Variants in FAM110B observed in about 807,000 individuals in gnomAD.
FAM110B encodes the protein family with sequence similarity 110 member B.
A neutral mutation model predicts 20.4 loss-of-function variants in FAM110B; 6 were observed. The ratio of observed to expected loss-of-function variants is 0.29; its 90% CI spans 0.16 to 0.58. The LOEUF is 0.58. Among genes scored for constraint, FAM110B ranks in the 20% least tolerant of loss-of-function variants. The pLI is 0.90. For missense variants in FAM110B, 434 were observed against 498.2 expected, an observed-to-expected ratio of 0.87 and a Z score of 1.23; for synonymous variants, 226 against 214.1, an observed-to-expected ratio of 1.06 and a Z score of -0.49.
chr8:58,009,521 C>T (rs78817779), intron 1 of FAM110B, among the ~76,000 whole-genome samples: 2,987 of 152,198 alleles, frequency 0.02, 107 homozygotes, highest in African/African-American at 0.067. Flanking sequence ...TAAAATAACT[C>T]AATAATTTTT....
chr8:58,094,008 C>A (rs1032988355), intron 3 of FAM110B, among the ~76,000 whole-genome samples: 2 of 152,038 alleles, frequency 1.3e-5, no homozygotes, highest in Non-Finnish European at 2.9e-5. Context: ...CTCTTTATAG[C>A]GATTGTGAAT....
intron 3 of FAM110B, among the ~76,000 whole-genome samples, chr8:58,104,211 A>AC (rs1806853794): frequency 6.6e-6 from 1 of 152,198 alleles, no homozygotes. Context: ...TGAAAGGGAC[A>AC]CTATAGTTCC....
At chr8:58,012,625 G>A (rs1045654770) in intron 1 of FAM110B, among the ~76,000 whole-genome samples, 6 of 152,186 alleles carry the variant, frequency 3.9e-5, no homozygotes, top group Non-Finnish European at 7.3e-5. Flanking sequence ...GGTTTGCTCC[G>A]GGCCTGTTGG....
At chr8:58,128,283 A>G (rs567156459) in intron 3 of FAM110B, among the ~76,000 whole-genome samples, 2 of 152,270 alleles carry the variant, frequency 1.3e-5, no homozygotes, top group African/African-American at 2.4e-5. Context: ...CTAGACCAAC[A>G]TGAGTCCTGC....
intron 3 of FAM110B, among the ~76,000 whole-genome samples, chr8:58,138,815 G>A (rs1158769067): frequency 1.3e-5 from 2 of 152,158 alleles, no homozygotes; most frequent in Non-Finnish European, 2.9e-5. Context: ...TGTGAGTTTT[G>A]TGCTGTTGCA....
chr8:58,024,051 C>G (rs565242280), intron 1 of FAM110B, among the ~76,000 whole-genome samples: 1 of 152,194 alleles, frequency 6.6e-6, no homozygotes, highest in Admixed American at 6.5e-5. Flanking sequence ...TCCAGAATTT[C>G]TATCTTGGCT....
intron 2 of FAM110B, among the ~76,000 whole-genome samples, chr8:58,038,126 A>G (rs1234051409): frequency 1.3e-5 from 2 of 152,212 alleles, no homozygotes; most frequent in Non-Finnish European, 2.9e-5. Context: ...CTATTGAGAA[A>G]GCGTGTGGTC....
intron 1 of FAM110B, among the ~76,000 whole-genome samples, chr8:58,028,691 G>T (rs1400574065): frequency 6.6e-6 from 1 of 152,198 alleles, no homozygotes; most frequent in East Asian, 1.9e-4. Context: ...CTAGAAAGGA[G>T]TATTTCTTAT....
At chr8:58,067,337 G>T (rs1454706229) in intron 2 of FAM110B, among the ~76,000 whole-genome samples, 1 of 152,192 alleles carries the variant, frequency 6.6e-6, no homozygotes, top group Non-Finnish European at 1.5e-5. Context: ...AGTAGATGAG[G>T]GTTTCGACTT....
At chr8:58,051,784 A>G (rs1007846821) in intron 2 of FAM110B, among the ~76,000 whole-genome samples, 7 of 151,796 alleles carry the variant, frequency 4.6e-5, no homozygotes, top group African/African-American at 1.7e-4. Flanking sequence ...TAAGTTGTTA[A>G]CCAGAGGCAC....
chr8:58,053,881 C>T (rs1805503471), intron 2 of FAM110B, among the ~76,000 whole-genome samples: 1 of 152,112 alleles, frequency 6.6e-6, no homozygotes, highest in African/African-American at 2.4e-5. Context: ...TTAAATTTAA[C>T]GTAGGTTACT....
intron 1 of FAM110B, among the ~76,000 whole-genome samples, chr8:58,001,704 C>G (rs907317762): frequency 6.6e-6 from 1 of 152,104 alleles, no homozygotes; most frequent in East Asian, 1.9e-4. Flanking sequence ...ATTAAGCATA[C>G]CGGCATATTA....
At chr8:58,095,964 T>A (rs1806615615) in intron 3 of FAM110B, among the ~76,000 whole-genome samples, 1 of 152,230 alleles carries the variant, frequency 6.6e-6, no homozygotes, top group East Asian at 1.9e-4. Context: ...TAGCTCTTCT[T>A]GTTGCATTGA....
chr8:58,019,794 C>T (rs1306806512), intron 1 of FAM110B, among the ~76,000 whole-genome samples: 1 of 151,906 alleles, frequency 6.6e-6, no homozygotes, highest in Non-Finnish European at 1.5e-5. Flanking sequence ...GTTTTATTTT[C>T]AGCAGTTAGA....
chr8:58,053,585 G>T (rs1030651708), intron 2 of FAM110B, among the ~76,000 whole-genome samples: 1 of 152,112 alleles, frequency 6.6e-6, no homozygotes, highest in Non-Finnish European at 1.5e-5. Flanking sequence ...GAATGAGGAG[G>T]TCATTAGCAT....
chr8:58,112,613 T>C (rs1807087718), intron 3 of FAM110B, among the ~76,000 whole-genome samples: 1 of 152,260 alleles, frequency 6.6e-6, no homozygotes, highest in South Asian at 2.1e-4. Flanking sequence ...GCCCCTGGGC[T>C]CTCCTGGGGT....
At chr8:58,107,508 T>C (rs1806948653) in intron 3 of FAM110B, among the ~76,000 whole-genome samples, 1 of 152,216 alleles carries the variant, frequency 6.6e-6, no homozygotes, top group African/African-American at 2.4e-5. Context: ...CTGTGGGATT[T>C]ATTGTGTGTT....
intron 1 of FAM110B, among the ~76,000 whole-genome samples, chr8:58,029,161 G>T (rs1804915958): frequency 6.6e-6 from 1 of 152,222 alleles, no homozygotes; most frequent in Admixed American, 6.5e-5. Context: ...AGTCTGAACT[G>T]ATAGAACTAA....
At chr8:58,004,734 A>C (rs1303041022) in intron 1 of FAM110B, among the ~76,000 whole-genome samples, 1 of 152,148 alleles carries the variant, frequency 6.6e-6, no homozygotes, top group Non-Finnish European at 1.5e-5. Flanking sequence ...GACAGAGCAA[A>C]ACCCCATCTC....
Sources: allele counts gnomAD v4.1 joint callset (sites outside exome capture counted in the v4.1 genomes callset), GRCh38; gene constraint gnomAD v4.1.1; transcripts MANE v1.5; gene names NCBI Gene and HGNC (gene_info 2026-07-23, HGNC 2026-07-21).